NBDY: variants seen among roughly 807,000 people sequenced by gnomAD.
NBDY encodes P-body dissociating protein.
chrX:56,733,091 T>C (rs2069468384), intron 2 of NBDY, among the ~76,000 whole-genome samples: 2 of 110,978 alleles, frequency 1.8e-5, no homozygotes, highest in South Asian at 3.8e-4. Context: ...TTTAGAACTA[T>C]AAATTTTCTT....
chrX:56,788,008 G>A (rs1452709234), intron 2 of NBDY, among the ~76,000 whole-genome samples: 1 of 112,591 alleles, frequency 8.9e-6, no homozygotes, highest in Non-Finnish European at 1.9e-5. Flanking sequence ...CAGTCCTCCT[G>A]TGGTTTCCCA....
intron 2 of NBDY, among the ~76,000 whole-genome samples, chrX:56,785,887 T>C (rs2069724797): frequency 9.0e-6 from 1 of 111,505 alleles, no homozygotes; most frequent in Non-Finnish European, 1.9e-5. Context: ...CTTTACATTT[T>C]GTCCACTTCT....
At chrX:56,789,214 T>A (rs1474502844) in intron 2 of NBDY, among the ~76,000 whole-genome samples, 1 of 112,872 alleles carries the variant, frequency 8.9e-6, no homozygotes, top group Non-Finnish European at 1.9e-5. Context: ...ACCTACGTGG[T>A]CACTTTGGGG....
At chrX:56,763,008 C>A (rs1232097908) in intron 2 of NBDY, among the ~76,000 whole-genome samples, 1 of 112,397 alleles carries the variant, frequency 8.9e-6, no homozygotes, top group Non-Finnish European at 1.9e-5. Flanking sequence ...CCTACAATTT[C>A]TCCCACACAG....
intron 2 of NBDY, among the ~76,000 whole-genome samples, chrX:56,791,840 C>G (rs866729562): frequency 1.1e-5 from 1 of 87,638 alleles, no homozygotes; most frequent in East Asian, 3.5e-4. Flanking sequence ...ATCTTCTCCT[C>G]CATCTTCTTC....
rs760604596 is a variant in NBDY, at chrX:56,762,594, C to T, written c.*166+30395C>T. On this transcript the variant is annotated intron_variant, in intron 2 of 2. Coordinates refer to ENST00000374922, the MANE Select transcript of NBDY (RefSeq NM_001348129.2). ...GAATGCACTTCCTACCAGTACCTCA[C>T]GATTCATCCTTCTACCTTGTTCTCC... Among the ~76,000 whole-genome samples, 22 of 111,241 alleles carry T rather than the reference C, an allele frequency of 2.0e-4. No individual in the cohort carries two copies. The South Asian group carries it at 6.0e-3, about 31-fold the overall frequency.
chrX:56,733,693 TC>T (rs2069471498), intron 2 of NBDY, among the ~76,000 whole-genome samples: 1 of 112,003 alleles, frequency 8.9e-6, no homozygotes, highest in African/African-American at 3.2e-5. Flanking sequence ...TAAGGGACTT[TC>T]CTTGTTTTCC....
intron 2 of NBDY, among the ~76,000 whole-genome samples, chrX:56,734,478 T>C (rs1316912483): frequency 4.4e-5 from 5 of 112,370 alleles, no homozygotes; most frequent in African/African-American, 1.6e-4. Context: ...TCAAAACCAA[T>C]CTCAAACTTT....
At chrX:56,799,063 ATGG>A (rs199589867) in intron 2 of NBDY, among the ~76,000 whole-genome samples, 1,406 of 112,248 alleles carry the variant, frequency 0.013, 22 homozygotes, top group African/African-American at 0.044. Flanking sequence ...TGCCAGACAG[ATGG>A]TGGTGTGGAG....
chrX:56,752,690 A>G (rs2069591509), intron 2 of NBDY, among the ~76,000 whole-genome samples: 1 of 110,586 alleles, frequency 9.0e-6, no homozygotes, highest in Non-Finnish European at 1.9e-5. Flanking sequence ...GCTCACTGCA[A>G]CCTCCACCTC....
intron 2 of NBDY, among the ~76,000 whole-genome samples, chrX:56,802,032 C>G (rs2069825814): frequency 9.2e-6 from 1 of 108,135 alleles, no homozygotes; most frequent in African/African-American, 3.4e-5. Flanking sequence ...TCACACAGGC[C>G]CAGGGGTGCG....
At chrX:56,783,671 C>T (rs766848441) in intron 2 of NBDY, among the ~76,000 whole-genome samples, 10 of 112,621 alleles carry the variant, frequency 8.9e-5, no homozygotes, top group Non-Finnish European at 1.7e-4. Context: ...TCGCGGATCT[C>T]TGTGCCTGGC....
intron 2 of NBDY, among the ~76,000 whole-genome samples, chrX:56,764,964 A>G (rs1402779008): frequency 2.7e-5 from 3 of 112,519 alleles, no homozygotes; most frequent in South Asian, 7.2e-4. Flanking sequence ...TAGTGCTGCC[A>G]GCTGTCCATC....
At chrX:56,754,551 A>G (rs2069600352) in intron 2 of NBDY, among the ~76,000 whole-genome samples, 1 of 112,498 alleles carries the variant, frequency 8.9e-6, no homozygotes, top group African/African-American at 3.2e-5. Flanking sequence ...AAGGAATCTA[A>G]AAATCAATAA....
rs1343121272 is a variant in NBDY at position 56,742,815 on chromosome X, TTC to T, written c.*166+10618_*166+10619del. 5.4e-5 allele frequency among the ~76,000 whole-genome samples: 6 copies of T among 111,662 alleles called. No homozygotes were observed. In the East Asian group the frequency reaches 1.7e-3, roughly 31 times the overall value. On this transcript the variant is annotated intron_variant, in intron 2 of 2. Transcript: ENST00000374922. Reference sequence around the variant, plus strand: ...CCTTTCCAATTTGGATGCCCTTAATTTCTTTCTCTTGTCTGATTGCTCTAACT... The same window carrying T: ...CCTTTCCAATTTGGATGCCCTTAATTTTTCTCTTGTCTGATTGCTCTAACT...
chrX:56,789,923 G>T (rs561970082), intron 2 of NBDY, among the ~76,000 whole-genome samples: 2 of 111,478 alleles, frequency 1.8e-5, no homozygotes, highest in East Asian at 2.8e-4. Flanking sequence ...CCTGTTCTGC[G>T]TGTCGAAATG....
chrX:56,806,577 T>C (rs1397715220), intron 2 of NBDY, among the ~76,000 whole-genome samples: 1 of 112,617 alleles, frequency 8.9e-6, no homozygotes, highest in Non-Finnish European at 1.9e-5. Context: ...CCAGTGATGA[T>C]GAGCTTTTTT....
chrX:56,740,831 G>A (rs758420619), intron 2 of NBDY, among the ~76,000 whole-genome samples: 4 of 110,626 alleles, frequency 3.6e-5, no homozygotes, highest in Non-Finnish European at 7.6e-5. Flanking sequence ...GTACAATGGG[G>A]TATCCATCAT....
At chrX:56,781,949 A>G (rs1219782017) in intron 2 of NBDY, among the ~76,000 whole-genome samples, 1 of 111,379 alleles carries the variant, frequency 9.0e-6, no homozygotes, top group Non-Finnish European at 1.9e-5. Flanking sequence ...GGCCCCTTGC[A>G]GTCAGCTGAT....
Sources: gnomAD v4.1 joint callset for allele counts (sites outside exome capture counted in the v4.1 genomes callset) on GRCh38, gnomAD v4.1.1 for gene constraint, MANE v1.5 for transcripts, NCBI Gene and HGNC (gene_info 2026-07-23, HGNC 2026-07-21) for gene names.